MARCHF1: variants seen among roughly 807,000 people sequenced by gnomAD.
The protein encoded by MARCHF1 is membrane associated ring-CH-type finger 1, also known as E3 ubiquitin-protein ligase MARCHF1.
MARCHF1 carries 40 observed loss-of-function variants against 54.2 expected under a neutral mutation model. That is an observed-to-expected ratio of 0.74 (90% confidence interval 0.57 to 0.96). MARCHF1 has a LOEUF of 0.96. MARCHF1 is among the 40% of genes least tolerant of loss of function. The pLI, the probability that MARCHF1 is intolerant of heterozygous loss-of-function variation, is 0.00. For synonymous variants in MARCHF1, 236 were observed against 236.3 expected (o/e 1.00, Z 0.01); for missense variants, 586 against 656.5 (o/e 0.89, Z 1.17).
intron 8 of MARCHF1, among the ~76,000 whole-genome samples, chr4:163,554,232 T>C (rs1361825504): frequency 6.6e-6 from 1 of 152,236 alleles, no homozygotes; most frequent in Non-Finnish European, 1.5e-5. Flanking sequence ...TATATTGTAC[T>C]GATATGCTTG....
intron 5 of MARCHF1, among the ~76,000 whole-genome samples, chr4:163,671,100 C>T (rs1374967568): frequency 2.6e-5 from 4 of 152,156 alleles, no homozygotes; most frequent in African/African-American, 9.7e-5. Flanking sequence ...CAGTTCCCTG[C>T]TTTAGCAGTT....
chr4:163,716,850 T>C (rs961900711), intron 4 of MARCHF1, among the ~76,000 whole-genome samples: 4 of 152,204 alleles, frequency 2.6e-5, no homozygotes, highest in Admixed American at 2.0e-4. Context: ...TTATTCCCAA[T>C]AGGCAAATTA....
intron 5 of MARCHF1, among the ~76,000 whole-genome samples, chr4:163,691,120 G>C (rs77285971): frequency 6.6e-6 from 1 of 152,120 alleles, no homozygotes; most frequent in South Asian, 2.1e-4. Context: ...TTTTCCCAGG[G>C]TGCCTTTTCC....
At chr4:163,856,653 T>C (rs1042056863) in intron 3 of MARCHF1, among the ~76,000 whole-genome samples, 1 of 152,204 alleles carries the variant, frequency 6.6e-6, no homozygotes, top group Non-Finnish European at 1.5e-5. Context: ...ATAATATGCA[T>C]CTTCTGAGTT....
intron 1 of MARCHF1, among the ~76,000 whole-genome samples, chr4:164,364,477 T>C (rs1385755499): frequency 2.0e-5 from 3 of 152,114 alleles, no homozygotes; most frequent in African/African-American, 7.2e-5. Context: ...TGTTTAACTC[T>C]GCATTTTAAT....
Position 163,805,867 on chromosome 4 carries a change from G to A in MARCHF1, c.111+48154C>T, listed in dbSNP as rs142839899. ...CCTCTTCTCTTGTTCTCTTACCTTT[G>A]CCAAAATACTCTACCCCAATTTTTT... On this transcript the variant is annotated intron_variant, in intron 4 of 9. Coordinates refer to ENST00000514618, the MANE Select transcript of MARCHF1 (RefSeq NM_001394959.1). 5.7e-3 allele frequency among the ~76,000 whole-genome samples: 860 copies of A among 152,154 alleles called. 10 individuals carry two copies. The highest frequency in any genetic ancestry group is 0.019 in the African/African-American group (809 of 41,532).
chr4:163,569,458 A>C (rs1739760295), intron 8 of MARCHF1, among the ~76,000 whole-genome samples: 1 of 152,202 alleles, frequency 6.6e-6, no homozygotes, highest in African/African-American at 2.4e-5. Flanking sequence ...TAAAAAGCTG[A>C]AATTAACTTA....
At chr4:163,829,869 C>T (rs1356505411) in intron 4 of MARCHF1, among the ~76,000 whole-genome samples, 4 of 152,172 alleles carry the variant, frequency 2.6e-5, no homozygotes, top group Non-Finnish European at 4.4e-5. Context: ...AAGCTTCTCA[C>T]CTTTCCCAGC....
chr4:163,845,729 T>A (rs1478137155), intron 4 of MARCHF1, among the ~76,000 whole-genome samples: 1 of 152,174 alleles, frequency 6.6e-6, no homozygotes, highest in African/African-American at 2.4e-5. Flanking sequence ...ATCTCATGAC[T>A]TTACTCCGTA....
At chr4:164,098,007 C>T (rs553770952) in intron 2 of MARCHF1, among the ~76,000 whole-genome samples, 4 of 152,196 alleles carry the variant, frequency 2.6e-5, no homozygotes, top group African/African-American at 9.6e-5. Context: ...GTGTTTAGCT[C>T]TGTGATTATG....
chr4:163,586,305 C>T (rs928151434), intron 7 of MARCHF1, among the ~76,000 whole-genome samples: 1 of 152,050 alleles, frequency 6.6e-6, no homozygotes, highest in South Asian at 2.1e-4. Context: ...TAAATGAATT[C>T]TGTGTTTAGA....
At chr4:164,357,992 CATAAG>C (rs1193802739) in intron 1 of MARCHF1, among the ~76,000 whole-genome samples, 1 of 152,058 alleles carries the variant, frequency 6.6e-6, no homozygotes, top group Admixed American at 6.6e-5. Flanking sequence ...AGGTGAGAAA[CATAAG>C]AGAAGTAAAG....
chr4:163,553,609 G>A (rs1193064796), intron 8 of MARCHF1, among the ~76,000 whole-genome samples: 2 of 152,128 alleles, frequency 1.3e-5, no homozygotes, highest in African/African-American at 2.4e-5. Context: ...GTAAGAAATG[G>A]AGCAAATATC....
At chr4:164,014,115 C>T (rs1406463977) in intron 2 of MARCHF1, among the ~76,000 whole-genome samples, 1 of 151,330 alleles carries the variant, frequency 6.6e-6, no homozygotes, top group African/African-American at 2.4e-5. Context: ...TTGTTTGAAC[C>T]CAGGAGGCAG....
At chr4:163,733,175 GTGTATATATATATATATATA>G (rs1745897732) in intron 4 of MARCHF1, among the ~76,000 whole-genome samples, 1 of 20,158 alleles carries the variant, frequency 5.0e-5, no homozygotes, top group Non-Finnish European at 8.4e-5. Flanking sequence ...CTCTGTATGT[GTGTATATATATATATATATA>G]TATATATATA....
chr4:163,906,767 G>A (rs528726465), intron 3 of MARCHF1, among the ~76,000 whole-genome samples: 58 of 151,788 alleles, frequency 3.8e-4, no homozygotes, highest in Non-Finnish European at 6.8e-4. Context: ...GACAATTTAA[G>A]AAAAACACTC....
intron 1 of MARCHF1, among the ~76,000 whole-genome samples, chr4:164,273,868 T>C (rs1431421604): frequency 1.3e-5 from 2 of 151,938 alleles, no homozygotes; most frequent in Admixed American, 6.5e-5. Context: ...AAGAGTACCA[T>C]AATAAGAAAA....
chr4:163,884,112 G>A (rs1352980113), intron 3 of MARCHF1, among the ~76,000 whole-genome samples: 25 of 152,082 alleles, frequency 1.6e-4, no homozygotes, highest in Non-Finnish European at 3.7e-4. Context: ...GGAGTTGATG[G>A]TTGATTGTTA....
chr4:164,093,454 T>C (rs1755346290), intron 2 of MARCHF1, among the ~76,000 whole-genome samples: 1 of 152,150 alleles, frequency 6.6e-6, no homozygotes, highest in Non-Finnish European at 1.5e-5. Flanking sequence ...CACTGAGAAA[T>C]GAAAAGTAAT....
Sources: allele counts gnomAD v4.1 joint callset (sites outside exome capture counted in the v4.1 genomes callset), GRCh38; gene constraint gnomAD v4.1.1; transcripts MANE v1.5; gene names NCBI Gene and HGNC (gene_info 2026-07-23, HGNC 2026-07-21).